The following GFI1B variants were observed in gnomAD, a reference collection of about 807,000 sequenced individuals.
The protein encoded by GFI1B is growth factor independent 1B transcriptional repressor.
GFI1B carries 20 observed loss-of-function variants against 35.3 expected under a neutral mutation model. That is an observed-to-expected ratio of 0.57 (90% CI 0.40 to 0.82). The LOEUF (loss-of-function observed/expected upper bound fraction) is 0.82. Among genes scored for constraint, GFI1B ranks in the 40% least tolerant of loss-of-function variants. The pLI, the probability that GFI1B is intolerant of heterozygous loss-of-function variation, is 0.00. For missense variants in GFI1B, 430 were observed against 446.3 expected, an observed-to-expected ratio of 0.96 and a Z score of 0.33; for synonymous variants, 178 against 177.6, an observed-to-expected ratio of 1.00 and a Z score of -0.02.
Position 132,991,078 on chromosome 9 carries a change from A to G in GFI1B, c.*28A>G. 1 of 1,606,460 alleles carries G rather than the reference A, an allele frequency of 6.2e-7. No homozygotes were observed. Among genetic ancestry groups the G allele is most frequent in the Non-Finnish European group, 8.5e-7 (1 of 1,176,802 alleles). On this transcript the variant is annotated 3_prime_UTR_variant, in exon 7 of 7. Coordinates refer to ENST00000372122, the MANE Select transcript of GFI1B (RefSeq NM_001377304.1). ...CTGCGCCGGCTCCCAGCTCCTGGCC[A>G]GCCTGCCCTGCGGTCCTGTCACCTG...
Position 132,991,033 on chromosome 9 carries a change from C to A in GFI1B, c.976C>A (p.Gln326Lys). ...GGACCTGCGGCGGCACCGCGAGAGCCAGCACAATCTCAAGTGAGGCTGCGC... is the reference window on the plus strand; with the variant it reads ...GGACCTGCGGCGGCACCGCGAGAGCAAGCACAATCTCAAGTGAGGCTGCGC... ...KVDLRRHRES[Q>K]HNLK Residue 326 changes from glutamine (Q) to lysine (K), a missense_variant, in exon 7 of 7, where the codon CAG becomes AAG. Physicochemically the swap from Gln to Lys is moderately conservative, Grantham distance 53 (BLOSUM62 1). Coordinates refer to ENST00000372122, the MANE Select transcript of GFI1B (RefSeq NM_001377304.1). The A allele has an allele frequency of 6.2e-7, 1 of 1,613,932 alleles. No individual in the cohort carries two copies. The highest frequency in any genetic ancestry group is 8.5e-7 in the Non-Finnish European group (1 of 1,179,942).
At chr9:132,972,969 T>A (rs1346104942) in intron 2 of GFI1B, among the ~76,000 whole-genome samples, 1 of 152,216 alleles carries the variant, frequency 6.6e-6, no homozygotes, top group Non-Finnish European at 1.5e-5. Context: ...GTTTCCTACT[T>A]GGCCTGCTGC....
At position 132,957,133 on chromosome 9, in the gene GFI1B, C is replaced by T. The variant is rs182657123; in HGVS notation, c.-701+11464C>T. Among the ~76,000 whole-genome samples, 31 of 152,314 alleles carry T rather than the reference C, an allele frequency of 2.0e-4. 1 individual carries two copies. Among genetic ancestry groups the T allele is most frequent in the African/African-American group, 7.2e-4 (30 of 41,574 alleles). ...CAGTGAGTGTCTAAGGAAGTTACTG[C>T]TCACACCCAATGAGAGGGGACCACA... On this transcript the variant is annotated intron_variant, in intron 1 of 10. Coordinates refer to the GFI1B transcript ENST00000339463.
intron 3 of GFI1B, 83 bp downstream of exon 3, chr9:132,987,502 G>A (rs1849118251): frequency 1.3e-6 from 2 of 1,530,250 alleles, no homozygotes; most frequent in East Asian, 2.3e-5. Context: ...AGGGCCCCTT[G>A]GGGCCCTGGA....
At chr9:132,968,997 G>T (rs1588417217) in intron 1 of GFI1B, among the ~76,000 whole-genome samples, 1 of 151,324 alleles carries the variant, frequency 6.6e-6, no homozygotes, top group Non-Finnish European at 1.5e-5. Context: ...CCAACCCCTG[G>T]CAACCACCAT....
chr9:132,972,711 T>C (rs1210381351), intron 1 of GFI1B: 1 of 152,266 alleles, frequency 6.6e-6, no homozygotes, highest in Non-Finnish European at 1.5e-5. Flanking sequence ...GATAATTATT[T>C]TCACTTTTTT....
intron 1 of GFI1B, among the ~76,000 whole-genome samples, 199 bp from the exon 2 acceptor site, chr9:132,986,460 C>A (rs989909903): frequency 6.6e-6 from 1 of 152,158 alleles, no homozygotes; most frequent in East Asian, 1.9e-4. Flanking sequence ...CCGGAATGAC[C>A]TCATCATAAC....
intron 1 of GFI1B, among the ~76,000 whole-genome samples, chr9:132,957,792 G>A (rs528566049): frequency 9.6e-4 from 146 of 152,042 alleles, no homozygotes; most frequent in Middle Eastern, 3.4e-3. Context: ...GAGAAAGGCA[G>A]GAGCAGCTGA....
chr9:132,986,900 C>A, intron 2 of GFI1B, 122 bp downstream of exon 2: 1 of 690,994 alleles, frequency 1.4e-6, no homozygotes, highest in Non-Finnish European at 2.6e-6. Flanking sequence ...AACAGGAGTG[C>A]AGTAACTGTG....
chr9:132,982,445 G>A (rs994149460), intron 1 of GFI1B, among the ~76,000 whole-genome samples: 9 of 152,148 alleles, frequency 5.9e-5, no homozygotes, highest in East Asian at 1.9e-4. Context: ...GTGCAGGGTC[G>A]CCTGTCTTCA....
At chr9:132,966,785 G>T (rs1175754518) in intron 1 of GFI1B, among the ~76,000 whole-genome samples, 2 of 152,186 alleles carry the variant, frequency 1.3e-5, no homozygotes, top group African/African-American at 4.8e-5. Flanking sequence ...ACTGTTAGAT[G>T]CCTCCTGATG....
At chr9:132,985,568 G>A (rs1849016565) in intron 1 of GFI1B, among the ~76,000 whole-genome samples, 1 of 152,188 alleles carries the variant, frequency 6.6e-6, no homozygotes, top group African/African-American at 2.4e-5. Flanking sequence ...CTGGGCCAGG[G>A]CTGTGGACAA....
At chr9:132,957,138 A>T (rs1429530805) in intron 1 of GFI1B, among the ~76,000 whole-genome samples, 2 of 152,212 alleles carry the variant, frequency 1.3e-5, no homozygotes, top group Non-Finnish European at 2.9e-5. Flanking sequence ...TACTGCTCAC[A>T]CCCAATGAGA....
chr9:132,983,793 G>A (rs1218423486), intron 1 of GFI1B, among the ~76,000 whole-genome samples: 1 of 152,342 alleles, frequency 6.6e-6, no homozygotes, highest in African/African-American at 2.4e-5. Flanking sequence ...GCCGGGCACT[G>A]CCCAGCACTT....
At chr9:132,978,266 G>C (rs148355590), upstream of GFI1B, among the ~76,000 whole-genome samples, 51 of 149,714 alleles carry the variant, frequency 3.4e-4, no homozygotes, top group African/African-American at 1.2e-3. Flanking sequence ...CAGGGAGGGA[G>C]GAAGAAAGAA....
At chr9:132,969,455 T>C (rs1234895750) in intron 1 of GFI1B, among the ~76,000 whole-genome samples, 1 of 152,204 alleles carries the variant, frequency 6.6e-6, no homozygotes, top group African/African-American at 2.4e-5. Flanking sequence ...GTTGCCTGTG[T>C]CACAGCCTCA....
intron 1 of GFI1B, among the ~76,000 whole-genome samples, chr9:132,968,616 A>G (rs1848486636): frequency 6.6e-6 from 1 of 152,188 alleles, no homozygotes; most frequent in East Asian, 1.9e-4. Flanking sequence ...TGTTTAAAAA[A>G]TATTTGAAGG....
intron 1 of GFI1B, chr9:132,953,751 TC>T (rs1363582993): frequency 1.3e-5 from 2 of 150,938 alleles, no homozygotes; most frequent in African/African-American, 2.4e-5. Flanking sequence ...ATTGAGACCA[TC>T]CTGGCTAACA....
chr9:132,962,066 C>G (rs1564525031), intron 1 of GFI1B, among the ~76,000 whole-genome samples: 1 of 47,966 alleles, frequency 2.1e-5, no homozygotes, highest in Non-Finnish European at 4.4e-5. Flanking sequence ...CACCTACACT[C>G]TACACACACA....
Sources: allele counts gnomAD v4.1 joint callset (sites outside exome capture counted in the v4.1 genomes callset), GRCh38; gene constraint gnomAD v4.1.1; transcripts MANE v1.5; gene names NCBI Gene and HGNC (gene_info 2026-07-23, HGNC 2026-07-21).